Variants in BRDT observed in about 807,000 individuals in gnomAD.
BRDT encodes bromodomain testis-specific protein.
BRDT carries 77 observed loss-of-function variants against 113.9 expected under a neutral mutation model. That is an observed-to-expected ratio of 0.68 (90% CI 0.56 to 0.82). The LOEUF is 0.82. Among genes scored for constraint, BRDT ranks in the 40% least tolerant of loss-of-function variants. BRDT has a pLI of 0.00. For missense variants in BRDT, 1,027 were observed against 1,105.4 expected, an observed-to-expected ratio of 0.93 and a Z score of 1.01; for synonymous variants, 358 against 366.5, an observed-to-expected ratio of 0.98 and a Z score of 0.26.
Position 92,005,119 on chromosome 1 carries a change from G to T in BRDT, c.2595G>T (p.Arg865Ser). Residue 865 changes from arginine to serine, a missense_variant and splice_region_variant, in exon 18 of 19, where the codon AGG becomes AGT. Transcript: ENST00000399546. The part of the protein sequence containing the change: ...KELKASQENQ[R>S]DLGNGLTVES... ...TTGAGCTATACTTTTTTTCTTTAAG[G>T]GATCTTGGGAATGGATTGACTGTAG... 2 of 1,457,686 alleles carry T rather than the reference G, an allele frequency of 1.4e-6. No individual in the cohort carries two copies. The highest frequency in any genetic ancestry group is 1.8e-6 in the Non-Finnish European group (2 of 1,106,638). 90.3% of individuals were successfully genotyped at this position (1,457,686 alleles called of 1,614,324 possible). A position where few individuals can be genotyped will look rare whatever the true frequency, so the allele number is the denominator to read the frequency against.
At chr1:91,989,463 C>G (rs936099690) in intron 12 of BRDT, among the ~76,000 whole-genome samples, 1 of 151,970 alleles carries the variant, frequency 6.6e-6, no homozygotes, top group African/African-American at 2.4e-5. Flanking sequence ...TGGGTTCAAG[C>G]TATTCTCCCG....
intron 18 of BRDT, among the ~76,000 whole-genome samples, chr1:92,008,058 C>T (rs1321499719): frequency 1.3e-5 from 2 of 152,108 alleles, no homozygotes; most frequent in Non-Finnish European, 2.9e-5. Flanking sequence ...GCTGGGATTC[C>T]AGGCACCCAC....
chr1:91,956,532 T>C (rs1270858262), intron 1 of BRDT, among the ~76,000 whole-genome samples: 1 of 152,182 alleles, frequency 6.6e-6, no homozygotes, highest in Admixed American at 6.5e-5. Flanking sequence ...TGTGGCTAAG[T>C]TTTTAATTCT....
intron 12 of BRDT, among the ~76,000 whole-genome samples, chr1:91,982,424 A>C (rs1684808158): frequency 6.6e-6 from 1 of 152,186 alleles, no homozygotes; most frequent in Admixed American, 6.5e-5. Context: ...ACAGTTGATA[A>C]GTAATCACTA....
intron 18 of BRDT, among the ~76,000 whole-genome samples, chr1:92,008,904 G>T (rs1216008846): frequency 6.6e-6 from 1 of 152,028 alleles, no homozygotes; most frequent in Admixed American, 6.6e-5. Flanking sequence ...ATTATGTTTT[G>T]AAATATGTGT....
intron 12 of BRDT, among the ~76,000 whole-genome samples, chr1:91,990,415 A>T (rs879356508): frequency 6.6e-6 from 1 of 152,214 alleles, no homozygotes; most frequent in Non-Finnish European, 1.5e-5. Flanking sequence ...TCTCAGATAA[A>T]TGACATCCCC....
intron 4 of BRDT, among the ~76,000 whole-genome samples, chr1:91,971,861 C>G (rs1195061837): frequency 6.6e-6 from 1 of 152,160 alleles, no homozygotes; most frequent in African/African-American, 2.4e-5. Flanking sequence ...CCATCTCAAC[C>G]ATTTTATTCC....
At chr1:91,968,001 A>G in intron 3 of BRDT, 145 bp from the exon 4 acceptor site, 2 of 704,912 alleles carry the variant, frequency 2.8e-6, no homozygotes, top group Non-Finnish European at 4.3e-6. Flanking sequence ...AAATGTGAGC[A>G]GCTTCACTAT....
At position 91,977,181 on chromosome 1, in the gene BRDT, G is replaced by A. The variant is rs1385246598; in HGVS notation, c.757G>A (p.Val253Ile). The A allele has an allele frequency of 1.2e-6, 2 of 1,613,934 alleles. No individual in the cohort carries two copies. The highest frequency in any genetic ancestry group is 2.7e-5 in the African/African-American group (2 of 74,936). ...TATAAAAGAAAATATGCCAAAGAAT[G>A]TTTTGCCAGATTCTCAGCAACAATA... is the stretch of plus-strand genomic sequence containing the variant. ...PPIKENMPKN[V>I]LPDSQQQYNV... is the part of the protein sequence containing the mutation. The change falls in exon 6 of 19, where the codon GTT (valine) becomes ATT (isoleucine). Residue 253 changes from valine to isoleucine, a missense_variant. Transcript: ENST00000399546.
At chr1:91,987,426 T>C (rs1685352050) in intron 12 of BRDT, among the ~76,000 whole-genome samples, 1 of 152,006 alleles carries the variant, frequency 6.6e-6, no homozygotes, top group South Asian at 2.1e-4. Context: ...CTACGCTTCC[T>C]GGGTTCAAGC....
At chr1:92,014,097 GTTTTC>G in intron 18 of BRDT, 104 bp from the exon 19 acceptor site, 1 of 684,142 alleles carries the variant, frequency 1.5e-6, no homozygotes, top group African/African-American at 1.9e-5. Context: ...TTATTGAATA[GTTTTC>G]TTTTGTATGA....
intron 15 of BRDT, among the ~76,000 whole-genome samples, chr1:91,994,785 G>A (rs1276849661): frequency 1.4e-5 from 2 of 145,782 alleles, no homozygotes; most frequent in African/African-American, 2.5e-5. Flanking sequence ...GGAGAATGGC[G>A]TGAACCCAGG....
intron 2 of BRDT, among the ~76,000 whole-genome samples, chr1:91,963,383 T>C (rs1682707144): frequency 6.6e-6 from 1 of 152,198 alleles, no homozygotes; most frequent in Non-Finnish European, 1.5e-5. Flanking sequence ...TCCCAATGAG[T>C]ATTTTTTTCC....
intron 1 of BRDT, among the ~76,000 whole-genome samples, chr1:91,950,999 G>A (rs932032857): frequency 6.7e-6 from 1 of 148,980 alleles, no homozygotes; most frequent in Non-Finnish European, 1.5e-5. Flanking sequence ...CTGCACTCTA[G>A]CCTGGATGAC....
chr1:91,995,924 G>A (rs1042446723), intron 15 of BRDT, among the ~76,000 whole-genome samples: 3 of 151,960 alleles, frequency 2.0e-5, no homozygotes, highest in Admixed American at 2.0e-4. Flanking sequence ...ATTCCATTTT[G>A]TCTTTAATTA....
intron 12 of BRDT, among the ~76,000 whole-genome samples, chr1:91,986,676 G>A (rs1685271272): frequency 1.3e-5 from 2 of 152,038 alleles, no homozygotes; most frequent in African/African-American, 4.8e-5. Context: ...AGTTATGGGT[G>A]ACATCAAACA....
At chr1:91,959,930 C>G (rs1213475172) in intron 1 of BRDT, among the ~76,000 whole-genome samples, 1 of 152,154 alleles carries the variant, frequency 6.6e-6, no homozygotes, top group South Asian at 2.1e-4. Context: ...TTTTAAAAAA[C>G]CAACAAAACT....
intron 18 of BRDT, among the ~76,000 whole-genome samples, chr1:92,009,545 C>T (rs1359411762): frequency 8.7e-5 from 9 of 103,410 alleles, no homozygotes; most frequent in Admixed American, 1.4e-4. Context: ...CAACTTGCCA[C>T]TTTTTTTTTT....
chr1:91,979,856 T>G, intron 8 of BRDT, 99 bp downstream of exon 8: 1 of 1,124,972 alleles, frequency 8.9e-7, no homozygotes, highest in Non-Finnish European at 1.2e-6. Context: ...TTAAATCGCT[T>G]CATAACTGTG....
Sources: gnomAD v4.1 joint callset for allele counts (sites outside exome capture counted in the v4.1 genomes callset) on GRCh38, gnomAD v4.1.1 for gene constraint, MANE v1.5 for transcripts, NCBI Gene and HGNC (gene_info 2026-07-23, HGNC 2026-07-21) for gene names.